The following CNBD1 variants were observed in gnomAD, a reference collection of about 807,000 sequenced individuals.
The protein encoded by CNBD1 is cyclic nucleotide binding domain containing 1, also known as cyclic nucleotide-binding domain-containing protein 1.
In CNBD1, 71 loss-of-function variants were observed where a neutral mutation model predicts 54.4. The ratio of observed to expected loss-of-function variants is 1.30; its 90% CI spans 1.08 to 1.59. The LOEUF (loss-of-function observed/expected upper bound fraction) is 1.59, where lower values mean the gene tolerates loss of function less well. Among genes scored for constraint, CNBD1 ranks in the 40% most tolerant of loss-of-function variants. CNBD1 has a pLI of 0.00. For missense variants in CNBD1, 659 were observed against 518.0 expected (o/e 1.27, Z -2.64); for synonymous variants, 182 against 170.7 (o/e 1.07, Z -0.51).
At chr8:87,274,714 T>C (rs1318071394) in intron 6 of CNBD1, among the ~76,000 whole-genome samples, 1 of 133,988 alleles carries the variant, frequency 7.5e-6, no homozygotes, top group Non-Finnish European at 1.6e-5. Context: ...TCCCATTCTG[T>C]AGGTTGCCTG....
In CNBD1 at chr8:87,363,681, G is replaced by A. The variant is rs145207657; in HGVS notation, c.1303+9895G>A. Among the ~76,000 whole-genome samples, 24 of 151,752 alleles carry A rather than the reference G, an allele frequency of 1.6e-4. 1 individual carries two copies. The highest frequency in any genetic ancestry group is 2.6e-4 in the Admixed American group (4 of 15,202). ...TGAGGAGTGTCTGTTCATACTTTTCGCCCACTTTTTGATGGGGTTGTTTGT... is the reference window on the plus strand; with the variant it reads ...TGAGGAGTGTCTGTTCATACTTTTCACCCACTTTTTGATGGGGTTGTTTGT... On this transcript the variant is annotated intron_variant, in intron 10 of 10. Transcript: ENST00000518476.
chr8:87,270,886 G>A (rs1249277546), intron 6 of CNBD1, among the ~76,000 whole-genome samples: 1 of 151,756 alleles, frequency 6.6e-6, no homozygotes, highest in Non-Finnish European at 1.5e-5. Flanking sequence ...ATACAGCAGT[G>A]AAGCTGTAAT....
chr8:87,262,911 G>A (rs897966938), intron 6 of CNBD1, among the ~76,000 whole-genome samples: 4 of 152,124 alleles, frequency 2.6e-5, no homozygotes, highest in African/African-American at 7.2e-5. Flanking sequence ...AGATAATGAT[G>A]ATGGAGTGGG....
intron 4 of CNBD1, among the ~76,000 whole-genome samples, chr8:86,995,972 C>A (rs1379778466): frequency 6.6e-6 from 1 of 151,982 alleles, no homozygotes; most frequent in Non-Finnish European, 1.5e-5. Flanking sequence ...AGTCTAAATC[C>A]CTATCGATAT....
At chr8:87,044,476 C>G (rs565608762) in intron 4 of CNBD1, 1 of 152,104 alleles carries the variant, frequency 6.6e-6, no homozygotes, top group East Asian at 1.9e-4. Flanking sequence ...GAGGTTAGAG[C>G]AAAAGTTTAA....
At chr8:87,034,429 A>C (rs773828818) in intron 4 of CNBD1, among the ~76,000 whole-genome samples, 2 of 152,224 alleles carry the variant, frequency 1.3e-5, no homozygotes, top group Non-Finnish European at 2.9e-5. Flanking sequence ...TCTTGAGCTC[A>C]TCTCAACAGC....
chr8:87,191,537 A>G (rs993839957), intron 4 of CNBD1, among the ~76,000 whole-genome samples: 2 of 152,126 alleles, frequency 1.3e-5, no homozygotes, highest in Non-Finnish European at 2.9e-5. Context: ...AATATTAACC[A>G]TCACACCTGT....
At chr8:87,322,094 A>G (rs201558014) in intron 8 of CNBD1, among the ~76,000 whole-genome samples, 1 of 125,972 alleles carries the variant, frequency 7.9e-6, no homozygotes, top group Non-Finnish European at 1.7e-5. Context: ...GAGAATGATG[A>G]TTTCCAGTTT....
At chr8:87,307,493 G>C (rs895154622) in intron 8 of CNBD1, among the ~76,000 whole-genome samples, 1 of 152,124 alleles carries the variant, frequency 6.6e-6, no homozygotes, top group African/African-American at 2.4e-5. Context: ...ATCCCAGCAT[G>C]TTTGGAGGCT....
intron 4 of CNBD1, among the ~76,000 whole-genome samples, chr8:87,040,487 G>C (rs563030817): frequency 6.8e-6 from 1 of 147,930 alleles, no homozygotes; most frequent in Non-Finnish European, 1.5e-5. Context: ...GCAGTGGTGC[G>C]ATCTTGGCTC....
At chr8:87,364,129 C>T (rs1203246457) in intron 10 of CNBD1, among the ~76,000 whole-genome samples, 1 of 151,602 alleles carries the variant, frequency 6.6e-6, no homozygotes, top group African/African-American at 2.4e-5. Context: ...AGAAAACTAG[C>T]TAAACATTTT....
At chr8:87,344,861 G>A (rs1810138016) in intron 8 of CNBD1, among the ~76,000 whole-genome samples, 1 of 152,136 alleles carries the variant, frequency 6.6e-6, no homozygotes, top group African/African-American at 2.4e-5. Flanking sequence ...ATTATAGGTA[G>A]TTAGGCAGTG....
chr8:87,324,833 G>A lies in CNBD1; in HGVS notation c.1043-26852G>A, dbSNP rs550392394. On this transcript the variant is annotated intron_variant, in intron 8 of 10. Coordinates refer to ENST00000518476, the MANE Select transcript of CNBD1 (RefSeq NM_173538.3). ...TCTGCTCGGATTTTAGTTATTTCTT[G>A]CCTTCTGCTAGCTTTTGAATGTGTT... Among the ~76,000 whole-genome samples the A allele has an allele frequency of 3.3e-3, 379 of 114,930 alleles. 51 individuals carry two copies. Among genetic ancestry groups the A allele is most frequent in the Middle Eastern group, 0.018 (4 of 222 alleles). The allele number at this position is 114,930 out of a possible 152,430, so 75.4% of individuals were successfully genotyped here. A position where few individuals can be genotyped will look rare whatever the true frequency, so the allele number is the denominator to read the frequency against.
intron 4 of CNBD1, among the ~76,000 whole-genome samples, chr8:87,132,348 G>A (rs190353264): frequency 2.0e-5 from 3 of 151,696 alleles, no homozygotes; most frequent in African/African-American, 7.2e-5. Context: ...CCTAATGTGT[G>A]TCTAGAAAGC....
chr8:86,922,743 C>G (rs1809294680), intron 3 of CNBD1, among the ~76,000 whole-genome samples: 1 of 152,106 alleles, frequency 6.6e-6, no homozygotes, highest in African/African-American at 2.4e-5. Context: ...TGCTTCCTTC[C>G]TGATTGCTTT....
At chr8:86,903,771 G>T (rs1808974284) in intron 2 of CNBD1, among the ~76,000 whole-genome samples, 1 of 151,942 alleles carries the variant, frequency 6.6e-6, no homozygotes, top group Non-Finnish European at 1.5e-5. Context: ...CAGTGTAAAA[G>T]ATCTTAGTAC....
At chr8:87,201,744 A>G (rs1196561755) in intron 4 of CNBD1, among the ~76,000 whole-genome samples, 1 of 152,180 alleles carries the variant, frequency 6.6e-6, no homozygotes, top group Non-Finnish European at 1.5e-5. Context: ...TCAGAGGTTG[A>G]AAAACTTAAT....
rs149792233 is a variant in CNBD1, at chr8:87,335,574, C to A, written c.1043-16111C>A. Among the ~76,000 whole-genome samples the A allele has an allele frequency of 9.7e-3, 1,469 of 152,082 alleles. 21 individuals carry two copies. The highest frequency in any genetic ancestry group is 0.032 in the African/African-American group (1,347 of 41,478). ...TTTTTTTGGTAAATTTTCCTCCATC[C>A]CTTTATTTTGAGCCTACGTGTGTCT... On this transcript the variant is annotated intron_variant, in intron 8 of 10. Coordinates refer to ENST00000518476, the MANE Select transcript of CNBD1 (RefSeq NM_173538.3).
At chr8:87,258,908 T>C (rs567659805) in intron 6 of CNBD1, among the ~76,000 whole-genome samples, 1 of 152,304 alleles carries the variant, frequency 6.6e-6, no homozygotes, top group South Asian at 2.1e-4. Flanking sequence ...ACAAGGTTAA[T>C]TTTTATATAC....
Sources: gnomAD v4.1 joint callset for allele counts (sites outside exome capture counted in the v4.1 genomes callset) on GRCh38, gnomAD v4.1.1 for gene constraint, MANE v1.5 for transcripts, NCBI Gene and HGNC (gene_info 2026-07-23, HGNC 2026-07-21) for gene names.